DNAJC21: variants seen among roughly 807,000 people sequenced by gnomAD.
DNAJC21 encodes dnaJ homolog subfamily C member 21.
DNAJC21 carries 63 observed loss-of-function variants against 72.4 expected under a neutral mutation model. The ratio of observed to expected loss-of-function variants is 0.87; its 90% confidence interval spans 0.71 to 1.07. The LOEUF (loss-of-function observed/expected upper bound fraction) is 1.07, where lower values mean the gene tolerates loss of function less well. Among genes scored for constraint, DNAJC21 ranks in the 50% least tolerant of loss-of-function variants. DNAJC21 has a pLI of 0.00. For synonymous variants in DNAJC21, 203 were observed against 216.7 expected (o/e 0.94, Z 0.56); for missense variants, 634 against 644.8 (o/e 0.98, Z 0.18).
intron 9 of DNAJC21, among the ~76,000 whole-genome samples, chr5:34,946,501 A>G (rs569904318): frequency 6.6e-6 from 1 of 152,098 alleles, no homozygotes; most frequent in Admixed American, 6.5e-5. Flanking sequence ...TTTTAATAAA[A>G]CTTCAGATTT....
Position 34,937,400 on chromosome 5 carries a change from T to A in DNAJC21, c.513T>A (p.Asp171Glu). 6.2e-7 allele frequency: 1 copy of A among 1,614,062 alleles called. No individual in the cohort carries two copies. ...QKNFAWKEEY[D>E]TRQASNRWEK... ...ATTTTGCATGGAAGGAAGAATATGA[T>A]ACACGACAGGCTTCAAACCGCTGGG... The change falls in exon 5 of 12, where the codon GAT becomes GAA. Residue 171 changes from aspartate (D) to glutamate (E), a missense_variant. Coordinates refer to ENST00000648817, the MANE Select transcript of DNAJC21 (RefSeq NM_001012339.3).
At position 34,954,678 on chromosome 5, in the gene DNAJC21, T is replaced by A. The variant is rs751897059; in HGVS notation, c.1560T>A (p.Ser520Arg). 2 of 1,610,994 alleles carry A rather than the reference T, an allele frequency of 1.2e-6. No individual in the cohort carries two copies. Among genetic ancestry groups the A allele is most frequent in the Admixed American group, 3.4e-5 (2 of 59,360 alleles). The change falls in exon 12 of 12, where the codon AGT (serine) becomes AGA (arginine). Residue 520 changes from serine (S) to arginine (R), a missense_variant. Physicochemically the swap from Ser to Arg is moderately radical, Grantham distance 110. Transcript: ENST00000648817. ...PSSSSLNSAT[S>R]SQSKKEKRKN... ...CATCGTCTTTAAACAGCGCAACAAGTAGTCAAAGCAAGAAAGAGAAACGTA... is the reference window on the plus strand; with the variant it reads ...CATCGTCTTTAAACAGCGCAACAAGAAGTCAAAGCAAGAAAGAGAAACGTA...
intron 10 of DNAJC21, chr5:34,952,739 A>G (rs1361512867): frequency 6.6e-6 from 1 of 152,206 alleles, no homozygotes; most frequent in Non-Finnish European, 1.5e-5. Flanking sequence ...TTTTAAATAA[A>G]AGTAACTTCC....
At chr5:34,953,302 C>A (rs1193181288) in intron 10 of DNAJC21, among the ~76,000 whole-genome samples, 1 of 151,818 alleles carries the variant, frequency 6.6e-6, no homozygotes, top group African/African-American at 2.4e-5. Context: ...TACTCTGTCA[C>A]CCCAGCTAGA....
Position 34,950,394 on chromosome 5 carries a change from A to C in DNAJC21, c.1358+52A>C, listed in dbSNP as rs778415148. Reference sequence around the variant, plus strand: ...AAATTACTGAATATTGATAGTAAGGATGTAGCTTTTCATATATCAAATAAA... The same window carrying C: ...AAATTACTGAATATTGATAGTAAGGCTGTAGCTTTTCATATATCAAATAAA... On this transcript the variant is annotated intron_variant, in intron 10 of 11. Coordinates refer to ENST00000648817, the MANE Select transcript of DNAJC21 (RefSeq NM_001012339.3). The C allele has an allele frequency of 1.9e-6, 3 of 1,563,368 alleles. No homozygotes were observed. The Admixed American group carries it at 5.7e-5, about 30-fold the overall frequency.
In DNAJC21 at chr5:34,958,926, C is replaced by G. The variant is rs552097246; in HGVS notation, c.*4212C>G. 2.0e-5 allele frequency: 3 copies of G among 152,300 alleles called. No individual in the cohort carries two copies. In the South Asian group the frequency reaches 6.2e-4, roughly 32 times the overall value. The allele number at this position is 152,300 out of a possible 1,614,324, so 9.4% of individuals were successfully genotyped here. A position where few individuals can be genotyped will look rare whatever the true frequency, so the allele number is the denominator to read the frequency against. On this transcript the variant is annotated 3_prime_UTR_variant, in exon 12 of 12. Transcript: ENST00000648817. ...TATTGTTTTACATTTTTACAAATCT[C>G]TTTAACATTTAGCTTAATAAAAGAT...
At position 34,954,046 on chromosome 5, in the gene DNAJC21, T is replaced by G. The variant is rs371690132; in HGVS notation, c.1434+45T>G. ...ATATCTCTTTAGCATATCTTGCTGTTTAAGCAGTATAATGATCTAAAGATG... is the reference window on the plus strand; with the variant it reads ...ATATCTCTTTAGCATATCTTGCTGTGTAAGCAGTATAATGATCTAAAGATG... On this transcript the variant is annotated intron_variant, in intron 11 of 11. Transcript: ENST00000648817. The G allele has an allele frequency of 2.6e-6, 4 of 1,529,576 alleles. No individual in the cohort carries two copies. The African/African-American group carries it at 5.5e-5, about 21-fold the overall frequency. 94.8% of individuals were successfully genotyped at this position (1,529,576 alleles called of 1,614,324 possible).
chr5:34,947,179 C>T (rs1284819828), intron 9 of DNAJC21, among the ~76,000 whole-genome samples: 1 of 152,048 alleles, frequency 6.6e-6, no homozygotes, highest in Admixed American at 6.6e-5. Context: ...CAAGAAAACC[C>T]TCCCAGATTA....
rs1764753158 is a variant in DNAJC21, at chr5:34,935,848, C to T, written c.315+15C>T. ...ATGATGAAAAGGTAAGATAAATGAA[C>T]TCACCCTTGATTTCTCATCAAGTAC... On this transcript the variant is annotated intron_variant, in intron 3 of 11. Coordinates refer to ENST00000648817, the MANE Select transcript of DNAJC21 (RefSeq NM_001012339.3). 1.2e-6 allele frequency: 2 copies of T among 1,613,504 alleles called. No individual in the cohort carries two copies. Among genetic ancestry groups the T allele is most frequent in the African/African-American group, 2.7e-5 (2 of 74,894 alleles).
intron 4 of DNAJC21, 25 bp from the exon 5 acceptor site, chr5:34,937,301 G>T: frequency 6.4e-7 from 1 of 1,572,200 alleles, no homozygotes; most frequent in Non-Finnish European, 8.6e-7. Flanking sequence ...AAGCGCAGAA[G>T]TTAATCTGTT....
intron 1 of DNAJC21, 140 bp from the exon 2 acceptor site, chr5:34,933,675 G>A (rs574122812): frequency 1.2e-4 from 72 of 582,514 alleles, no homozygotes; most frequent in Non-Finnish European, 1.6e-4. Flanking sequence ...TGACTGTTAC[G>A]TGGAGTCTTT....
At chr5:34,950,385 A>G (rs750091498) in intron 10 of DNAJC21, 43 bp downstream of exon 10, 26 of 1,583,176 alleles carry the variant, frequency 1.6e-5, no homozygotes, top group Middle Eastern at 1.7e-4. Context: ...CTGAATATTG[A>G]TAGTAAGGAT....
In DNAJC21 at chr5:34,933,869, C is replaced by G; in HGVS notation, c.152C>G (p.Ala51Gly). ...EAAEQFKLIQ[A>G]AYDVLSDPQE... ...GCTGAACAATTTAAATTAATCCAAG[C>G]AGCATATGATGTGTTGAGTGACCCT... The change falls in exon 2 of 12, where the codon GCA (alanine) becomes GGA (glycine). Residue 51 changes from alanine to glycine, a missense_variant. Physicochemically the swap from Ala to Gly is moderately conservative, Grantham distance 60. Transcript: ENST00000648817. 6.2e-7 allele frequency: 1 copy of G among 1,613,908 alleles called. No individual in the cohort carries two copies. Among genetic ancestry groups the G allele is most frequent in the Non-Finnish European group, 8.5e-7 (1 of 1,179,946 alleles).
chr5:34,945,104 G>C (rs1765130249), intron 8 of DNAJC21, 79 bp downstream of exon 8: 5 of 1,522,780 alleles, frequency 3.3e-6, no homozygotes, highest in Non-Finnish European at 1.8e-6. Context: ...TTGAGATGGA[G>C]AATCACTCTG....
intron 3 of DNAJC21, 55 bp from the exon 4 acceptor site, chr5:34,936,089 T>G: frequency 6.4e-7 from 1 of 1,562,090 alleles, no homozygotes; most frequent in Non-Finnish European, 8.6e-7. Context: ...TAAAATCTTT[T>G]TCTGTGATCA....
chr5:34,947,531 C>T lies in DNAJC21; in HGVS notation c.1185+1728C>T, dbSNP rs147543982. On this transcript the variant is annotated intron_variant, in intron 9 of 11. Coordinates refer to ENST00000648817, the MANE Select transcript of DNAJC21 (RefSeq NM_001012339.3). ...TCCAAGACCCATGTCATTTCTTTCC[C>T]CTATATTTTTTCTAAGAGGTTTGTT... Among the ~76,000 whole-genome samples, 14 of 151,884 alleles carry T rather than the reference C, an allele frequency of 9.2e-5. No individual in the cohort carries two copies. In the East Asian group the frequency reaches 1.9e-3, roughly 21 times the overall value.
chr5:34,954,531 T>G, intron 11 of DNAJC21, 22 bp from the exon 12 acceptor site: 1 of 1,582,730 alleles, frequency 6.3e-7, no homozygotes. Context: ...TACTTTTATT[T>G]ATGATTTTTT....
intron 7 of DNAJC21, among the ~76,000 whole-genome samples, chr5:34,942,202 G>T (rs918383573): frequency 2.0e-5 from 3 of 152,240 alleles, no homozygotes; most frequent in African/African-American, 7.2e-5. Context: ...GTCCCATGCA[G>T]GCTGATGCTG....
In DNAJC21 at chr5:34,937,410, G is replaced by A; in HGVS notation, c.523G>A (p.Ala175Thr). 1 of 1,614,144 alleles carries A rather than the reference G, an allele frequency of 6.2e-7. No individual in the cohort carries two copies. The highest frequency in any genetic ancestry group is 8.5e-7 in the Non-Finnish European group (1 of 1,180,032). ...GAAGGAAGAATATGATACACGACAG[G>A]CTTCAAACCGCTGGGAAAAACGAGC... ...AWKEEYDTRQ[A>T]SNRWEKRAME... is the part of the protein sequence containing the mutation. The change falls in exon 5 of 12, where the codon GCT becomes ACT. Residue 175 changes from alanine (A) to threonine (T), a missense_variant. Coordinates refer to ENST00000648817, the MANE Select transcript of DNAJC21 (RefSeq NM_001012339.3).
Sources: gnomAD v4.1 joint callset for allele counts (sites outside exome capture counted in the v4.1 genomes callset) on GRCh38, gnomAD v4.1.1 for gene constraint, MANE v1.5 for transcripts, NCBI Gene and HGNC (gene_info 2026-07-23, HGNC 2026-07-21) for gene names.